Variants in TAF3 observed in about 807,000 individuals in gnomAD.
TAF3 encodes the protein transcription initiation factor TFIID subunit 3.
TAF3 carries 7 observed loss-of-function variants against 80.6 expected under a neutral mutation model. That is an observed-to-expected ratio of 0.09 (90% CI 0.05 to 0.16). The LOEUF (loss-of-function observed/expected upper bound fraction) is 0.16. TAF3 is among the 10% of genes least tolerant of loss of function. TAF3 has a pLI of 1.00. For synonymous variants in TAF3, 444 were observed against 446.1 expected, an observed-to-expected ratio of 1.00 and a Z score of 0.06; for missense variants, 921 against 1,140.2, an observed-to-expected ratio of 0.81 and a Z score of 2.77.
Position 7,965,505 on chromosome 10 carries a change from G to A in TAF3, c.1995G>A (p.Leu665=), listed in dbSNP as rs1384193454. 47 of 1,603,924 alleles carry A rather than the reference G, an allele frequency of 2.9e-5. No homozygotes were observed. The highest frequency in any genetic ancestry group is 4.0e-5 in the Non-Finnish European group (47 of 1,177,532). Residue 665 remains leucine, a synonymous_variant, in exon 3 of 7, where the codon TTG becomes TTA. Transcript: ENST00000344293. ...VLPPKELALP[L]FSPATASRVP... The stretch of plus-strand genomic sequence containing the variant: ...CCCCAAAAGAGTTGGCCCTGCCCTT[G>A]TTCAGCCCTGCCACAGCCTCCAGGG...
chr10:7,975,846 G>A (rs993765583), intron 3 of TAF3, among the ~76,000 whole-genome samples: 1 of 152,162 alleles, frequency 6.6e-6, no homozygotes, highest in Non-Finnish European at 1.5e-5. Flanking sequence ...GTTCAATTAT[G>A]ATGTAATTCA....
intron 2 of TAF3, among the ~76,000 whole-genome samples, chr10:7,866,789 T>A (rs1469145483): frequency 3.3e-5 from 5 of 152,150 alleles, no homozygotes; most frequent in African/African-American, 9.7e-5. Context: ...CCCTGCAGTG[T>A]TGGACGCATC....
At chr10:7,864,244 C>T (rs527249182) in intron 2 of TAF3, among the ~76,000 whole-genome samples, 1 of 152,320 alleles carries the variant, frequency 6.6e-6, no homozygotes, top group South Asian at 2.1e-4. Flanking sequence ...TTCTTCCCTC[C>T]CTTACCCCAA....
intron 4 of TAF3, among the ~76,000 whole-genome samples, chr10:8,003,715 T>C (rs1831966448): frequency 6.6e-6 from 1 of 152,254 alleles, no homozygotes; most frequent in South Asian, 2.1e-4. Context: ...TCTAGTTACA[T>C]ATGCCTACAT....
intron 1 of TAF3, among the ~76,000 whole-genome samples, chr10:7,820,700 G>T (rs971963420): frequency 1.3e-5 from 2 of 152,134 alleles, no homozygotes; most frequent in Non-Finnish European, 2.9e-5. Flanking sequence ...TGGTTATATT[G>T]CTCAGGCTTG....
intron 4 of TAF3, among the ~76,000 whole-genome samples, chr10:8,006,300 C>T (rs1564382214): frequency 6.6e-6 from 1 of 151,524 alleles, no homozygotes; most frequent in Non-Finnish European, 1.5e-5. Flanking sequence ...CACTTGAACC[C>T]AGGAGGCGGA....
At chr10:7,935,054 A>C (rs1011434538) in intron 2 of TAF3, among the ~76,000 whole-genome samples, 6 of 152,084 alleles carry the variant, frequency 3.9e-5, no homozygotes, top group Non-Finnish European at 7.3e-5. Context: ...AGGACGGTGG[A>C]TCACTTGAGG....
intron 2 of TAF3, among the ~76,000 whole-genome samples, chr10:7,924,745 A>G: frequency 6.6e-6 from 1 of 151,536 alleles, no homozygotes. Flanking sequence ...ACAGAACACT[A>G]TCTGTGTTTT....
chr10:7,898,030 T>C (rs1837522330), intron 2 of TAF3, among the ~76,000 whole-genome samples: 1 of 152,228 alleles, frequency 6.6e-6, no homozygotes, highest in Admixed American at 6.5e-5. Context: ...TTCTTATTTT[T>C]TTCTCTTTTT....
chr10:7,965,239 A>C lies in TAF3; in HGVS notation c.1729A>C (p.Lys577Gln). The change falls in exon 3 of 7, where the codon AAG (lysine) becomes CAG (glutamine). Residue 577 changes from lysine to glutamine, a missense_variant. By Grantham distance (53) the Lys-to-Gln change is moderately conservative. This residue lies in a region of TAF3 where 743 missense variants were observed against 821.0 expected (regional missense o/e 0.90). Transcript: ENST00000344293. The part of the protein sequence containing the change: ...ETGRETKYPW[K>Q]EFLKEEEADP... ...TGGCAGGGAAACAAAGTATCCCTGG[A>C]AGGAATTTCTTAAAGAGGAAGAGGC... is the stretch of plus-strand genomic sequence containing the variant. 6.2e-7 allele frequency: 1 copy of C among 1,608,990 alleles called. No homozygotes were observed. The highest frequency in any genetic ancestry group is 1.1e-5 in the South Asian group (1 of 89,386).
At chr10:7,897,309 T>C (rs1388232517) in intron 2 of TAF3, among the ~76,000 whole-genome samples, 4 of 152,208 alleles carry the variant, frequency 2.6e-5, no homozygotes, top group African/African-American at 9.6e-5. Context: ...TTTGACTGAA[T>C]AAAGAACTTT....
chr10:7,949,633 TC>T (rs1219370118), intron 2 of TAF3, among the ~76,000 whole-genome samples: 2 of 152,224 alleles, frequency 1.3e-5, no homozygotes, highest in African/African-American at 2.4e-5. Flanking sequence ...ACTGTAAAAT[TC>T]CGTTGATCCT....
chr10:7,965,311 A>C lies in TAF3; in HGVS notation c.1801A>C (p.Lys601Gln), dbSNP rs1008323015. ...CAAAGAATTTGAAGATGTTGATCCC[A>C]AAGTGAAATTGAAAGATGGACTTGT... Reference protein sequence around the residue: ...KIKEFEDVDPKVKLKDGLVRK... With the variant: ...KIKEFEDVDPQVKLKDGLVRK... Residue 601 changes from lysine to glutamine, a missense_variant, in exon 3 of 7, where the codon AAA (lysine) becomes CAA (glutamine). Around this residue, in one of 6 missense-constraint regions of TAF3, gnomAD observed 743 missense variants for 821.0 expected, o/e 0.90. Coordinates refer to ENST00000344293, the MANE Select transcript of TAF3 (RefSeq NM_031923.4). 7 of 1,605,326 alleles carry C rather than the reference A, an allele frequency of 4.4e-6. No individual in the cohort carries two copies. The highest frequency in any genetic ancestry group is 5.9e-6 in the Non-Finnish European group (7 of 1,178,046).
At chr10:7,957,384 G>A (rs1045816396) in intron 2 of TAF3, among the ~76,000 whole-genome samples, 4 of 152,116 alleles carry the variant, frequency 2.6e-5, no homozygotes, top group African/African-American at 7.2e-5. Context: ...CAGAGATCAC[G>A]GGGAGGAGAA....
intron 4 of TAF3, among the ~76,000 whole-genome samples, chr10:8,003,208 C>T (rs1001962901): frequency 2.4e-4 from 35 of 148,338 alleles, no homozygotes; most frequent in African/African-American, 3.7e-4. Flanking sequence ...GGTTTTTTTT[C>T]TCTCTCTCTC....
chr10:8,004,306 C>T (rs1035471148), intron 4 of TAF3, among the ~76,000 whole-genome samples: 7 of 152,106 alleles, frequency 4.6e-5, no homozygotes, highest in Admixed American at 2.6e-4. Flanking sequence ...CCTCGGCCTC[C>T]CAAAGTGCTG....
At chr10:7,923,217 G>A (rs571154320) in intron 2 of TAF3, among the ~76,000 whole-genome samples, 5 of 152,062 alleles carry the variant, frequency 3.3e-5, no homozygotes, top group African/African-American at 9.6e-5. Flanking sequence ...GAAATAGAGC[G>A]GTGTCTCATT....
intron 1 of TAF3, among the ~76,000 whole-genome samples, chr10:7,823,980 A>C (rs981636048): frequency 6.6e-6 from 1 of 150,796 alleles, no homozygotes; most frequent in Non-Finnish European, 1.5e-5. Flanking sequence ...CTATTTTATT[A>C]TTATTATTTT....
intron 2 of TAF3, among the ~76,000 whole-genome samples, chr10:7,910,853 C>G (rs528850103): frequency 6.6e-6 from 1 of 152,196 alleles, no homozygotes; most frequent in South Asian, 2.1e-4. Context: ...AAAAATAGAT[C>G]AATAAGTTCA....
Sources: allele counts gnomAD v4.1 joint callset (sites outside exome capture counted in the v4.1 genomes callset), GRCh38; gene constraint gnomAD v4.1.1; regional missense constraint gnomAD v4.1.1; transcripts MANE v1.5; gene names NCBI Gene and HGNC (gene_info 2026-07-23, HGNC 2026-07-21).